ITPR2: variants seen among roughly 807,000 people sequenced by gnomAD.
ITPR2 encodes the protein inositol 1,4,5-trisphosphate receptor type 2, also known as inositol 1,4,5-trisphosphate-gated calcium channel ITPR2.
A neutral mutation model predicts 317.1 loss-of-function variants in ITPR2; 207 were observed. The observed-to-expected ratio is 0.65, with a 90% CI of 0.58 to 0.73. The LOEUF is 0.73. Ranked by LOEUF, ITPR2 falls within the 30% of genes least tolerant of loss-of-function variation. The probability of loss-of-function intolerance (pLI) is 0.00; values close to 1 mark genes in which losing one functional copy is unlikely to be tolerated. For missense variants in ITPR2, 2,613 were observed against 3,284.0 expected, an observed-to-expected ratio of 0.80 and a Z score of 4.99; for synonymous variants, 1,156 against 1,149.1, an observed-to-expected ratio of 1.01 and a Z score of -0.12.
intron 55 of ITPR2, chr12:26,373,733 C>A (rs1411988331): frequency 1.3e-5 from 2 of 152,058 alleles, no homozygotes; most frequent in Non-Finnish European, 2.9e-5. Context: ...TGGACACAGA[C>A]CAGAATATTA....
At chr12:26,434,019 AAAT>A (rs1404182985) in intron 48 of ITPR2, among the ~76,000 whole-genome samples, 1 of 152,196 alleles carries the variant, frequency 6.6e-6, no homozygotes, top group Non-Finnish European at 1.5e-5. Flanking sequence ...TGTATTATTA[AAAT>A]AATATCATGC....
intron 37 of ITPR2, among the ~76,000 whole-genome samples, chr12:26,529,516 A>G (rs1469677200): frequency 1.3e-5 from 2 of 152,144 alleles, no homozygotes; most frequent in Non-Finnish European, 2.9e-5. Flanking sequence ...AGAAAACACA[A>G]ACCCATTTCT....
chr12:26,488,616 A>G (rs1300931216), intron 39 of ITPR2, among the ~76,000 whole-genome samples: 1 of 152,222 alleles, frequency 6.6e-6, no homozygotes, highest in Non-Finnish European at 1.5e-5. Flanking sequence ...CGGTAACCAT[A>G]GCAACCACAG....
At chr12:26,805,864 C>G (rs370255123) in intron 1 of ITPR2, among the ~76,000 whole-genome samples, 99 of 151,898 alleles carry the variant, frequency 6.5e-4, no homozygotes, top group African/African-American at 2.2e-3. Flanking sequence ...CCTGCAGGGC[C>G]TCCCAAGTCA....
intron 9 of ITPR2, among the ~76,000 whole-genome samples, chr12:26,700,552 C>T (rs539599564): frequency 1.3e-5 from 2 of 152,274 alleles, no homozygotes; most frequent in African/African-American, 4.8e-5. Flanking sequence ...TGGGCAAGCA[C>T]AGGTCTGAGG....
chr12:26,364,798 C>T (rs182134201), intron 55 of ITPR2, among the ~76,000 whole-genome samples: 1 of 152,224 alleles, frequency 6.6e-6, no homozygotes, highest in Admixed American at 6.5e-5. Flanking sequence ...TGTCTTTTGA[C>T]TCCGGTTAGT....
At chr12:26,579,526 C>G (rs1298131606) in intron 33 of ITPR2, among the ~76,000 whole-genome samples, 1 of 151,994 alleles carries the variant, frequency 6.6e-6, no homozygotes, top group African/African-American at 2.4e-5. Context: ...TCTTGGTCAT[C>G]AATTTTCCCT....
At chr12:26,757,595 A>G (rs913244419) in intron 2 of ITPR2, among the ~76,000 whole-genome samples, 2 of 152,180 alleles carry the variant, frequency 1.3e-5, no homozygotes, top group Admixed American at 1.3e-4. Flanking sequence ...CTTGAAGTCC[A>G]AGAACCCTCT....
chr12:26,400,064 T>A, intron 53 of ITPR2, 64 bp downstream of exon 53: 1 of 1,502,846 alleles, frequency 6.7e-7, no homozygotes, highest in Non-Finnish European at 9.0e-7. Context: ...AAATTATAAA[T>A]GCTGTGAAGA....
intron 9 of ITPR2, among the ~76,000 whole-genome samples, chr12:26,709,056 C>A (rs1005218552): frequency 2.6e-5 from 4 of 152,178 alleles, no homozygotes; most frequent in African/African-American, 9.7e-5. Context: ...CCTCTAGACA[C>A]TTTCACACCA....
Position 26,654,024 on chromosome 12 carries a change from C to A in ITPR2, c.2692G>T (p.Ala898Ser). 2 of 1,607,872 alleles carry A rather than the reference C, an allele frequency of 1.2e-6. No individual in the cohort carries two copies. The highest frequency in any genetic ancestry group is 1.7e-6 in the Non-Finnish European group (2 of 1,176,682). The part of the protein sequence containing the change: ...TLLAILDIVQ[A>S]PMSSYFERLS... ...CTTTCAAAGTATGATGACATGGGGG[C>A]CTGTACAATGTCTAAAATAGCCAGA... is the stretch of plus-strand genomic sequence containing the variant. Residue 898 changes from alanine (A) to serine (S), a missense_variant, in exon 21 of 57, where the codon GCC (alanine) becomes TCC (serine). Ala to Ser is a moderately conservative substitution (Grantham distance 99, BLOSUM62 1). This residue lies in a region of ITPR2 where 817 missense variants were observed against 897.6 expected (regional missense o/e 0.91). Coordinates refer to ENST00000381340, the MANE Select transcript of ITPR2 (RefSeq NM_002223.4).
intron 43 of ITPR2, among the ~76,000 whole-genome samples, chr12:26,477,578 C>T (rs1014047025): frequency 2.0e-5 from 3 of 151,896 alleles, no homozygotes; most frequent in African/African-American, 4.8e-5. Flanking sequence ...ATATGGCAGG[C>T]GATATGCAAC....
At chr12:26,492,661 T>C (rs1199335378) in intron 39 of ITPR2, among the ~76,000 whole-genome samples, 1 of 152,142 alleles carries the variant, frequency 6.6e-6, no homozygotes, top group Non-Finnish European at 1.5e-5. Flanking sequence ...AATCTAAAAA[T>C]GTTGAAGTCA....
chr12:26,536,636 G>A (rs1297709022), intron 37 of ITPR2, among the ~76,000 whole-genome samples: 2 of 152,220 alleles, frequency 1.3e-5, no homozygotes, highest in African/African-American at 2.4e-5. Context: ...TAGCAATCAT[G>A]GAGTAGCAGC....
intron 1 of ITPR2, among the ~76,000 whole-genome samples, chr12:26,799,306 C>T (rs1279813527): frequency 6.6e-6 from 1 of 152,212 alleles, no homozygotes; most frequent in Non-Finnish European, 1.5e-5. Context: ...TGAATCCATA[C>T]ATTTAAAATG....
intron 34 of ITPR2, among the ~76,000 whole-genome samples, chr12:26,576,039 A>G (rs1271730673): frequency 1.2e-4 from 18 of 152,212 alleles, no homozygotes; most frequent in Admixed American, 1.2e-3. Flanking sequence ...CTACCTTAAT[A>G]TGTGAAATAC....
chr12:26,681,130 A>T (rs1241759631), intron 13 of ITPR2, among the ~76,000 whole-genome samples: 1 of 152,248 alleles, frequency 6.6e-6, no homozygotes, highest in Non-Finnish European at 1.5e-5. Flanking sequence ...ACTGCAAAGC[A>T]TATGGACTTT....
chr12:26,356,979 CTAA>C lies in ITPR2; in HGVS notation c.7858-16654_7858-16652del, dbSNP rs543428694. Among the ~76,000 whole-genome samples, 86 of 152,286 alleles carry C rather than the reference CTAA, an allele frequency of 5.6e-4. 2 individuals carry two copies. In the East Asian group the frequency reaches 0.015, roughly 27 times the overall value. On this transcript the variant is annotated intron_variant, in intron 55 of 56. Coordinates refer to ENST00000381340, the MANE Select transcript of ITPR2 (RefSeq NM_002223.4). ...CAATTCCTACATGTAAAACTTGTTT[CTAA>C]TACATGATGAAGCCAGTCTGATGAA...
chr12:26,603,643 A>G lies in ITPR2; in HGVS notation c.3463-937T>C, dbSNP rs550067120. ...ATTCACTATTCAGAAAGAGAGAGAA[A>G]GAGAACAGCTGCAGCTTTAGACAAG... is the stretch of plus-strand genomic sequence containing the variant. On this transcript the variant is annotated intron_variant, in intron 26 of 56. Transcript: ENST00000381340. 2.6e-4 allele frequency among the ~76,000 whole-genome samples: 39 copies of G among 152,364 alleles called. 1 individual carries two copies. The highest frequency in any genetic ancestry group is 9.1e-4 in the African/African-American group (38 of 41,586).
Sources: allele counts gnomAD v4.1 joint callset (sites outside exome capture counted in the v4.1 genomes callset), GRCh38; gene constraint gnomAD v4.1.1; regional missense constraint gnomAD v4.1.1; transcripts MANE v1.5; gene names NCBI Gene and HGNC (gene_info 2026-07-23, HGNC 2026-07-21).